Variants in IKZF4 observed in about 807,000 individuals in gnomAD.
The protein encoded by IKZF4 is IKAROS family zinc finger 4.
Under a neutral mutation model 47.7 loss-of-function variants are expected in IKZF4, and 11 were observed. The ratio of observed to expected loss-of-function variants is 0.23; its 90% CI spans 0.15 to 0.38. The LOEUF (loss-of-function observed/expected upper bound fraction) is 0.38. Among genes scored for constraint, IKZF4 ranks in the 10% least tolerant of loss-of-function variants. IKZF4 has a pLI of 1.00. For synonymous variants in IKZF4, 298 were observed against 299.4 expected (o/e 1.00, Z 0.05); for missense variants, 557 against 784.9 (o/e 0.71, Z 3.47).
Position 56,027,922 on chromosome 12 carries a change from C to A in IKZF4, c.690C>A (p.Leu230=). Residue 230 remains leucine, a synonymous_variant, in exon 5 of 8, where the codon CTC becomes CTA. Coordinates refer to ENST00000547167, the MANE Select transcript of IKZF4 (RefSeq NM_022465.4). ...CNYACRRRDA[L]TGHLRTHSVS... ...ATGCCTGCCGCCGGCGTGATGCACT[C>A]ACTGGTCACCTCCGCACACACTCAG... 6.3e-7 allele frequency: 1 copy of A among 1,579,942 alleles called. No individual in the cohort carries two copies. The highest frequency in any genetic ancestry group is 8.6e-7 in the Non-Finnish European group (1 of 1,162,990).
In IKZF4 at chr12:56,021,254, C is replaced by T; in HGVS notation, c.-240C>T. The T allele has an allele frequency of 7.2e-7, 1 of 1,387,836 alleles. No individual in the cohort carries two copies. The highest frequency in any genetic ancestry group is 9.5e-7 in the Non-Finnish European group (1 of 1,053,246). The allele number at this position is 1,387,836 out of a possible 1,614,324, so 86.0% of individuals were successfully genotyped here. ...CCCTCCCCAAGCACATCCAAGCGTGCTCTCCCCTCTCCTTCTCTCCCTCTC... is the reference window on the plus strand; with the variant it reads ...CCCTCCCCAAGCACATCCAAGCGTGTTCTCCCCTCTCCTTCTCTCCCTCTC... On this transcript the variant is annotated 5_prime_UTR_variant, in exon 1 of 8. Coordinates refer to ENST00000547167, the MANE Select transcript of IKZF4 (RefSeq NM_022465.4).
In IKZF4 at chr12:56,027,040, T is replaced by C; in HGVS notation, c.546T>C (p.Thr182=). 1 of 1,517,440 alleles carries C rather than the reference T, an allele frequency of 6.6e-7. No individual in the cohort carries two copies. The allele number at this position is 1,517,440 out of a possible 1,614,324, so 94.0% of individuals were successfully genotyped here. The part of the protein sequence containing the change: ...NVLMVHKRSH[T]GERPFHCNQC... The stretch of plus-strand genomic sequence containing the variant: ...TCATGGTGCACAAGCGCAGTCACAC[T>C]GGTAAGTAAGCCAGAGGGGCTCTGG... The change falls in exon 4 of 8, where the codon ACT becomes ACC. Residue 182 remains threonine (T), a splice_region_variant and synonymous_variant. Transcript: ENST00000547167.
intron 3 of IKZF4, among the ~76,000 whole-genome samples, chr12:56,026,343 C>G (rs935814756): frequency 1.3e-5 from 2 of 152,034 alleles, no homozygotes; most frequent in African/African-American, 2.4e-5. Flanking sequence ...GGTGTTAGTT[C>G]CATTTAAGGC....
chr12:56,032,814 G>A, intron 6 of IKZF4, 104 bp downstream of exon 6: 3 of 1,298,666 alleles, frequency 2.3e-6, no homozygotes, highest in East Asian at 2.3e-5. Flanking sequence ...TGAAGTCTGT[G>A]GAACAGGGGA....
In IKZF4 at chr12:56,022,023, G is replaced by A. The variant is rs547210941; in HGVS notation, c.87+443G>A. ...CCCCACAAAAGAGCTGAGGATGGGC[G>A]TCTTTCTTTGCTCTTGTACCCACTA... On this transcript the variant is annotated intron_variant, in intron 1 of 7. Coordinates refer to ENST00000547167, the MANE Select transcript of IKZF4 (RefSeq NM_022465.4). 1.6e-4 allele frequency among the ~76,000 whole-genome samples: 24 copies of A among 152,180 alleles called. No homozygotes were observed. In the South Asian group the frequency reaches 1.9e-3, roughly 12 times the overall value.
intron 1 of IKZF4, chr12:56,010,302 T>A (rs1231374857): frequency 6.6e-6 from 1 of 152,186 alleles, no homozygotes; most frequent in East Asian, 1.9e-4. Context: ...TCAAAGTTTA[T>A]CAGACAAAGG....
At chr12:56,025,845 G>C (rs1893885255) in intron 3 of IKZF4, among the ~76,000 whole-genome samples, 1 of 152,168 alleles carries the variant, frequency 6.6e-6, no homozygotes, top group Non-Finnish European at 1.5e-5. Context: ...CCAGGGCCAA[G>C]CCAGACATCT....
chr12:56,035,346 C>G lies in IKZF4; in HGVS notation c.*15C>G. The G allele has an allele frequency of 6.3e-7, 1 of 1,593,764 alleles. No individual in the cohort carries two copies. The highest frequency in any genetic ancestry group is 2.2e-5 in the East Asian group (1 of 44,838). ...AGGTGGGCTAGCAACCTCTCCCTCT[C>G]TCCTCAGTCCACCACTCCACTGCCC... On this transcript the variant is annotated 3_prime_UTR_variant, in exon 8 of 8. Transcript: ENST00000547167. This position sits in a 1 kb window ranked among gnomAD's most constrained non-coding sequence, Gnocchi z 6.1.
Position 56,034,603 on chromosome 12 carries a change from C to G in IKZF4, c.1030C>G (p.Leu344Val), listed in dbSNP as rs369283900. Residue 344 changes from leucine to valine, a missense_variant, in exon 8 of 8, where the codon CTC becomes GTC. Around this residue, in one of 6 missense-constraint regions of IKZF4, gnomAD observed 280 missense variants for 314.0 expected, o/e 0.89. Transcript: ENST00000547167. ...GCAGATGCGCTTCAGCCTCTCAGAC[C>G]TCCCCTATGATGTGAACTCGGGTGG... ...EKQMRFSLSD[L>V]PYDVNSGGYE... 2.9e-5 allele frequency: 46 copies of G among 1,613,044 alleles called. No homozygotes were observed. The African/African-American group carries it at 5.1e-4, about 18-fold the overall frequency.
rs1007374845 is a variant in IKZF4 at position 56,021,198 on chromosome 12, C to A, written c.-296C>A. On this transcript the variant is annotated 5_prime_UTR_variant, in exon 1 of 8. Coordinates refer to ENST00000547167, the MANE Select transcript of IKZF4 (RefSeq NM_022465.4). ...GGATGCTGTAGCCTAGCATCTCCCC[C>A]ACTATATACACATATACATTCTCTC... 1.5e-5 allele frequency: 21 copies of A among 1,410,614 alleles called. No individual in the cohort carries two copies. The highest frequency in any genetic ancestry group is 2.6e-5 in the East Asian group (1 of 38,454). The allele number at this position is 1,410,614 out of a possible 1,614,324, so 87.4% of individuals were successfully genotyped here.
Position 56,021,116 on chromosome 12 carries a change from G to A in IKZF4, c.-378G>A. ...CTGGGCACGAGGGGCAACAGCATCT[G>A]CCTTTCCCTCCCTGTGCACACACCC... On this transcript the variant is annotated 5_prime_UTR_variant, in exon 1 of 8. Coordinates refer to ENST00000547167, the MANE Select transcript of IKZF4 (RefSeq NM_022465.4). The A allele has an allele frequency of 7.2e-7, 1 of 1,382,532 alleles. No individual in the cohort carries two copies. The highest frequency in any genetic ancestry group is 9.3e-7 in the Non-Finnish European group (1 of 1,069,760). 85.6% of individuals were successfully genotyped at this position (1,382,532 alleles called of 1,614,324 possible). A position where few individuals can be genotyped will look rare whatever the true frequency, so the allele number is the denominator to read the frequency against.
chr12:56,023,165 G>A (rs1012382347), intron 1 of IKZF4, among the ~76,000 whole-genome samples: 4 of 152,190 alleles, frequency 2.6e-5, no homozygotes, highest in African/African-American at 9.7e-5. Flanking sequence ...CTGGCCTCAA[G>A]AGGCAGCCTC....
Position 56,033,896 on chromosome 12 carries a change from TTTTG to T in IKZF4, c.997+591_997+594del, listed in dbSNP as rs201109197. ...GTCGAGGCATCGGGCTGTCTCAGTT[TTTTG>T]TTTGTTTGTTTGTTTTTGAGACGGA... On this transcript the variant is annotated intron_variant, in intron 7 of 7. Transcript: ENST00000547167. Among the ~76,000 whole-genome samples the T allele has an allele frequency of 2.9e-3, 440 of 151,888 alleles. 17 individuals are homozygous for T. The East Asian group carries it at 0.077, about 27-fold the overall frequency.
chr12:56,021,762 T>TG, intron 1 of IKZF4, 182 bp downstream of exon 1: 1 of 911,278 alleles, frequency 1.1e-6, no homozygotes, highest in East Asian at 2.7e-5. Context: ...TCCTTATACT[T>TG]GCGGAGGATG....
chr12:56,024,897 G>A (rs1384767052), intron 2 of IKZF4, 157 bp from the exon 3 acceptor site: 7 of 1,487,584 alleles, frequency 4.7e-6, no homozygotes, highest in Non-Finnish European at 6.2e-6. Context: ...AGACTGGCGG[G>A]GGCACAAGGT....
At position 56,014,993 on chromosome 12, in the gene IKZF4, G is replaced by A. The variant is rs1015240490; in HGVS notation, c.-213-3133G>A. On this transcript the variant is annotated intron_variant, in intron 2 of 11. Coordinates refer to the IKZF4 transcript ENST00000262032. ...CCTCAGTTTCTCTCAGTTTCTCCAAGCAGAAAACAGGAAAATCCTGCTCAC... is the reference window on the plus strand; with the variant it reads ...CCTCAGTTTCTCTCAGTTTCTCCAAACAGAAAACAGGAAAATCCTGCTCAC... Among the ~76,000 whole-genome samples the A allele has an allele frequency of 2.0e-5, 3 of 152,204 alleles. No individual in the cohort carries two copies. The South Asian group carries it at 6.2e-4, about 32-fold the overall frequency.
chr12:56,024,609 A>G (rs1357149511), intron 2 of IKZF4: 1 of 1,008,358 alleles, frequency 9.9e-7, no homozygotes, highest in African/African-American at 1.7e-5. Context: ...TGCTATGATG[A>G]TTACTAATAT....
intron 3 of IKZF4, among the ~76,000 whole-genome samples, chr12:56,025,694 G>A (rs892143199): frequency 1.3e-5 from 2 of 152,122 alleles, no homozygotes; most frequent in Non-Finnish European, 2.9e-5. Flanking sequence ...GGAGGTGGAG[G>A]GGGTAGAGGG....
Position 56,021,118 on chromosome 12 carries a change from C to T in IKZF4, c.-376C>T. On this transcript the variant is annotated 5_prime_UTR_variant, in exon 1 of 8. Transcript: ENST00000547167. ...GGGCACGAGGGGCAACAGCATCTGC[C>T]TTTCCCTCCCTGTGCACACACCCAC... The T allele has an allele frequency of 7.2e-7, 1 of 1,385,982 alleles. No individual in the cohort carries two copies. Among genetic ancestry groups the T allele is most frequent in the Non-Finnish European group, 9.3e-7 (1 of 1,071,948 alleles). The allele number at this position is 1,385,982 out of a possible 1,614,324, so 85.9% of individuals were successfully genotyped here. A position where few individuals can be genotyped will look rare whatever the true frequency, so the allele number is the denominator to read the frequency against.
Sources: gnomAD v4.1 joint callset for allele counts (sites outside exome capture counted in the v4.1 genomes callset) on GRCh38, gnomAD v4.1.1 for gene constraint, gnomAD v4.1.1 regional missense constraint, Gnocchi (gnomAD v3.1) non-coding constraint, MANE v1.5 for transcripts, NCBI Gene and HGNC (gene_info 2026-07-23, HGNC 2026-07-21) for gene names.